The following DDOST variants were observed in gnomAD, a reference collection of about 807,000 sequenced individuals.
The protein encoded by DDOST is dolichyl-diphosphooligosaccharide--protein glycosyltransferase non-catalytic subunit.
In DDOST, 25 loss-of-function variants were observed where a neutral mutation model predicts 47.6. The ratio of observed to expected loss-of-function variants is 0.53; its 90% CI spans 0.38 to 0.73. The LOEUF (loss-of-function observed/expected upper bound fraction) is 0.73. Ranked by LOEUF, DDOST falls within the 30% of genes least tolerant of loss-of-function variation. DDOST has a pLI of 0.00. For synonymous variants in DDOST, 275 were observed against 236.0 expected, an observed-to-expected ratio of 1.17 and a Z score of -1.51; for missense variants, 526 against 573.9, an observed-to-expected ratio of 0.92 and a Z score of 0.85.
At position 20,661,345 on chromosome 1, in the gene DDOST, C is replaced by T; in HGVS notation, c.6G>A (p.Glu2=). 2 of 1,612,292 alleles carry T rather than the reference C, an allele frequency of 1.2e-6. No individual in the cohort carries two copies. M[E]PSTAARAWAL... is the part of the protein sequence containing the mutation. ...CCCAAGCCCGGGCCGCGGTGCTGGG[C>T]TCCATCTTCCTCCTCCTGCCGAAGG... The change falls in exon 1 of 11, where the codon GAG becomes GAA. Residue 2 remains glutamate, a synonymous_variant. Transcript: ENST00000602624.
At chr1:20,658,326 C>T (rs2154534361) in intron 2 of DDOST, among the ~76,000 whole-genome samples, 1 of 152,358 alleles carries the variant, frequency 6.6e-6, no homozygotes, top group South Asian at 2.1e-4. Flanking sequence ...GGCCAGCACT[C>T]ACTCACCTGA....
At chr1:20,661,043 C>T in intron 1 of DDOST, 52 bp from the exon 2 acceptor site, 2 of 1,511,684 alleles carry the variant, frequency 1.3e-6, no homozygotes, top group Non-Finnish European at 1.8e-6. Context: ...AAGGGAAACC[C>T]CTGCTGCAGA....
chr1:20,657,713 C>T (rs1319214915), intron 2 of DDOST, among the ~76,000 whole-genome samples: 2 of 152,188 alleles, frequency 1.3e-5, no homozygotes, highest in Admixed American at 6.5e-5. Flanking sequence ...GAGGGGTAAT[C>T]TTCAGCAGAA....
chr1:20,654,489 G>C (rs1260672428), intron 6 of DDOST, 118 bp from the exon 7 acceptor site: 17 of 1,407,372 alleles, frequency 1.2e-5, no homozygotes, highest in Non-Finnish European at 1.7e-5. Flanking sequence ...CCTGAAGGGG[G>C]AGCCTGAGAC....
In DDOST at chr1:20,652,542, G is replaced by C; in HGVS notation, c.1171-14C>G. ...CCGCACGGATACCTGCAGGAGGACA[G>C]AGGTGGCAGGACCTGGCCACTGCAG... On this transcript the variant is annotated splice_polypyrimidine_tract_variant and intron_variant, in intron 10 of 10. Coordinates refer to ENST00000602624, the MANE Select transcript of DDOST (RefSeq NM_005216.5). The C allele has an allele frequency of 6.2e-7, 1 of 1,613,972 alleles. No homozygotes were observed. The highest frequency in any genetic ancestry group is 1.1e-5 in the South Asian group (1 of 91,078).
chr1:20,656,278 C>T (rs547751771), intron 2 of DDOST, 91 bp from the exon 3 acceptor site: 102 of 977,824 alleles, frequency 1.0e-4, no homozygotes, highest in Non-Finnish European at 1.6e-4. Context: ...GGCAGAGCAG[C>T]CACGATCACT....
chr1:20,656,173 T>A lies in DDOST; in HGVS notation c.280A>T (p.Ile94Phe). ...SPSVEDFGGN[I>F]NVETISAFID... The stretch of plus-strand genomic sequence containing the variant: ...AAGGCACTGATGGTCTCCACGTTGA[T>A]GTTGCCTCCAAAATCTGAAAGCAGG... The change falls in exon 3 of 11, where the codon ATC (isoleucine) becomes TTC (phenylalanine). Residue 94 changes from isoleucine to phenylalanine, a missense_variant. Transcript: ENST00000602624. 4 of 1,614,134 alleles carry A rather than the reference T, an allele frequency of 2.5e-6. No homozygotes were observed. Among genetic ancestry groups the A allele is most frequent in the Non-Finnish European group, 3.4e-6 (4 of 1,179,972 alleles).
intron 2 of DDOST, among the ~76,000 whole-genome samples, chr1:20,660,070 C>T (rs188831378): frequency 4.1e-4 from 62 of 152,122 alleles, no homozygotes; most frequent in Admixed American, 3.3e-3. Context: ...AACATGCTCA[C>T]CAAAAAAGTA....
intron 7 of DDOST, 67 bp downstream of exon 7, chr1:20,654,155 CT>C: frequency 1.3e-6 from 2 of 1,517,368 alleles, no homozygotes; most frequent in Non-Finnish European, 1.8e-6. Flanking sequence ...TCTTCCCCTT[CT>C]GAGTCCTCCC....
Position 20,654,648 on chromosome 1 carries a change from G to A in DDOST, c.611C>T (p.Ser204Phe). ...AGGCTTGTCCGGGAAGAAGGAGTAA[G>A]AGGTGGAAGAGCCCGTCAGGATGTC... ...VLDILTGSST[S>F]YSFFPDKPIT... The change falls in exon 6 of 11, where the codon TCT (serine) becomes TTT (phenylalanine). Residue 204 changes from serine to phenylalanine, a missense_variant. Ser to Phe is a radical substitution (Grantham distance 155). Transcript: ENST00000602624. The A allele has an allele frequency of 1.9e-6, 3 of 1,565,804 alleles. No homozygotes were observed. In the South Asian group the frequency reaches 3.5e-5, roughly 18 times the overall value.
chr1:20,654,173 C>T (rs1329446474), intron 7 of DDOST, 50 bp downstream of exon 7: 4 of 1,547,180 alleles, frequency 2.6e-6, no homozygotes, highest in East Asian at 2.4e-5. Context: ...TCCCCATATA[C>T]ACACACTGCA....
intron 5 of DDOST, among the ~76,000 whole-genome samples, chr1:20,654,949 T>TC (rs2053352171): frequency 6.6e-6 from 1 of 152,138 alleles, no homozygotes; most frequent in South Asian, 2.1e-4. Context: ...AACCTCCGCC[T>TC]CCTGGGTTCA....
chr1:20,655,863 T>C lies in DDOST; in HGVS notation c.353-84A>G. 3 of 1,142,298 alleles carry C rather than the reference T, an allele frequency of 2.6e-6. No homozygotes were observed. The South Asian group carries it at 3.7e-5, about 14-fold the overall frequency. 70.8% of individuals were successfully genotyped at this position (1,142,298 alleles called of 1,614,324 possible). On this transcript the variant is annotated intron_variant, in intron 3 of 10. Transcript: ENST00000602624. Reference sequence around the variant, plus strand: ...TCCTTGGCTTCCTTGTGACTCCCTCTCTGTCAGCCCCAGTGCCCTGCAGCT... The same window carrying C: ...TCCTTGGCTTCCTTGTGACTCCCTCCCTGTCAGCCCCAGTGCCCTGCAGCT...
In DDOST at chr1:20,652,396, T is replaced by G; in HGVS notation, c.1303A>C (p.Lys435Gln). The G allele has an allele frequency of 6.2e-7, 1 of 1,613,158 alleles. No individual in the cohort carries two copies. Among genetic ancestry groups the G allele is most frequent in the Non-Finnish European group, 8.5e-7 (1 of 1,179,570 alleles). ...FSIVFLHMKEKEKSD is the reference protein window; with the variant it reads ...FSIVFLHMKEQEKSD ...CTAGCCCCTCAGTCGGACTTCTCCT[T>G]CTCCTTCATGTGCAAGAAGACGATG... is the stretch of plus-strand genomic sequence containing the variant. The change falls in exon 11 of 11, where the codon AAG becomes CAG. Residue 435 changes from lysine (K) to glutamine (Q), a missense_variant. By Grantham distance (53) the Lys-to-Gln change is moderately conservative. Transcript: ENST00000602624.
chr1:20,657,920 A>G (rs957409815), intron 2 of DDOST, among the ~76,000 whole-genome samples: 2 of 152,210 alleles, frequency 1.3e-5, no homozygotes, highest in African/African-American at 4.8e-5. Flanking sequence ...TGCCCCTCAG[A>G]GCAATGTCTG....
At chr1:20,655,852 G>C (rs1038402255) in intron 3 of DDOST, 73 bp from the exon 4 acceptor site, 5 of 1,266,826 alleles carry the variant, frequency 3.9e-6, no homozygotes, top group Non-Finnish European at 5.8e-6. Flanking sequence ...TGGCTTCCTT[G>C]TGACTCCCTC....
intron 5 of DDOST, 31 bp from the exon 6 acceptor site, chr1:20,654,738 G>GGCATGCACCA: frequency 6.7e-7 from 1 of 1,487,618 alleles, no homozygotes; most frequent in Admixed American, 2.0e-5. Context: ...CCCAGCACTG[G>GGCATGCACCA]CCCCAGGAAC....
chr1:20,659,421 A>G (rs1016083891), intron 2 of DDOST, among the ~76,000 whole-genome samples: 1 of 152,102 alleles, frequency 6.6e-6, no homozygotes, highest in Non-Finnish European at 1.5e-5. Flanking sequence ...ATCCTGACAC[A>G]GGGTTTGGTA....
At position 20,660,698 on chromosome 1, in the gene DDOST, T is replaced by G. The variant is rs1570419107; in HGVS notation, c.265+183A>C. 4 of 538,158 alleles carry G rather than the reference T, an allele frequency of 7.4e-6. No individual in the cohort carries two copies. In the East Asian group the frequency reaches 1.3e-4, roughly 17 times the overall value. 33.3% of individuals were successfully genotyped at this position (538,158 alleles called of 1,614,324 possible). On this transcript the variant is annotated intron_variant, in intron 2 of 10. Coordinates refer to ENST00000602624, the MANE Select transcript of DDOST (RefSeq NM_005216.5). ...GACTCCACAATCCTTAGCTGTTTCT[T>G]TTAGAAAGATGTACCCTCCTAGGGT...
Sources: gnomAD v4.1 joint callset for allele counts (sites outside exome capture counted in the v4.1 genomes callset) on GRCh38, gnomAD v4.1.1 for gene constraint, MANE v1.5 for transcripts, NCBI Gene and HGNC (gene_info 2026-07-23, HGNC 2026-07-21) for gene names.